MAPKAPK3: variants seen among roughly 807,000 people sequenced by gnomAD.
MAPKAPK3 encodes MAP kinase-activated protein kinase 3.
MAPKAPK3 carries 35 observed loss-of-function variants against 49.2 expected under a neutral mutation model. The observed-to-expected ratio is 0.71, with a 90% CI of 0.54 to 0.94. The LOEUF (loss-of-function observed/expected upper bound fraction) is 0.94, where lower values mean the gene tolerates loss of function less well. Ranked by LOEUF, MAPKAPK3 falls within the 40% of genes least tolerant of loss-of-function variation. MAPKAPK3 has a pLI of 0.00. For missense variants in MAPKAPK3, 398 were observed against 493.1 expected (o/e 0.81, Z 1.83); for synonymous variants, 178 against 188.7 (o/e 0.94, Z 0.46).
At chr3:50,647,816 T>C in intron 10 of MAPKAPK3, 78 bp from the exon 11 acceptor site, 1 of 1,419,382 alleles carries the variant, frequency 7.0e-7, no homozygotes, top group Non-Finnish European at 9.6e-7. Flanking sequence ...ATTAAGGGGC[T>C]GCCCAGGCAG....
chr3:50,644,630 C>A, intron 6 of MAPKAPK3, 98 bp downstream of exon 6: 1 of 1,305,952 alleles, frequency 7.7e-7, no homozygotes, highest in Non-Finnish European at 1.1e-6. Flanking sequence ...GGTTAAAGCC[C>A]AGCAAGGAGG....
intron 2 of MAPKAPK3, among the ~76,000 whole-genome samples, chr3:50,626,534 A>G (rs576555780): frequency 6.6e-5 from 10 of 152,208 alleles, no homozygotes; most frequent in Non-Finnish European, 1.3e-4. Flanking sequence ...TCCACAAGAG[A>G]CCCATAGCTC....
intron 2 of MAPKAPK3, among the ~76,000 whole-genome samples, chr3:50,637,320 G>T (rs1164560262): frequency 6.6e-6 from 1 of 152,182 alleles, no homozygotes; most frequent in African/African-American, 2.4e-5. Context: ...TCCCAGGGTG[G>T]TAGGAGGAAC....
At chr3:50,632,810 G>A (rs1006902351) in intron 2 of MAPKAPK3, among the ~76,000 whole-genome samples, 3 of 152,220 alleles carry the variant, frequency 2.0e-5, no homozygotes, top group Admixed American at 6.5e-5. Flanking sequence ...TGTCCAAGCT[G>A]GTAGCCTCGG....
chr3:50,646,993 G>C (rs1042884725), intron 9 of MAPKAPK3, 130 bp from the exon 10 acceptor site: 40 of 1,040,640 alleles, frequency 3.8e-5, no homozygotes, highest in Non-Finnish European at 5.3e-5. Context: ...CACTGCCCTA[G>C]TGAGGCTCCT....
rs754885308 is a variant in MAPKAPK3 at position 50,648,041 on chromosome 3, C to T, written c.1144C>T (p.Gln382Ter). Reference sequence around the variant, plus strand: ...CTCTGCCTCACAGGGCTGCAACAACCAGTAGCTCATGGGGCCTTGGAGGAG... The same window carrying T: ...CTCTGCCTCACAGGGCTGCAACAACTAGTAGCTCATGGGGCCTTGGAGGAG... ...SSSASQGCNN[Q>*] Residue 382 changes from glutamine to a stop codon, truncating the protein, a stop_gained, in exon 11 of 11, where the codon CAG (glutamine) becomes TAG (stop). Coordinates refer to ENST00000621469, the MANE Select transcript of MAPKAPK3 (RefSeq NM_001243925.2). LOFTEE classifies it high-confidence loss of function. 6.8e-6 allele frequency: 11 copies of T among 1,612,472 alleles called. No individual in the cohort carries two copies. The highest frequency in any genetic ancestry group is 9.3e-6 in the Non-Finnish European group (11 of 1,179,406).
intron 2 of MAPKAPK3, among the ~76,000 whole-genome samples, chr3:50,637,495 C>T (rs1023004502): frequency 3.3e-5 from 5 of 151,856 alleles, no homozygotes; most frequent in African/African-American, 2.4e-5. Context: ...AATAGCTGGG[C>T]GTGGTGGCGG....
At chr3:50,646,011 G>A in intron 7 of MAPKAPK3, 129 bp from the exon 8 acceptor site, 1 of 1,262,226 alleles carries the variant, frequency 7.9e-7, no homozygotes, top group East Asian at 2.3e-5. Context: ...GTGCCTGGGA[G>A]TCCGGAGGGC....
intron 3 of MAPKAPK3, among the ~76,000 whole-genome samples, chr3:50,641,301 C>T (rs808149): frequency 0.78 from 118,142 of 152,070 alleles, 47,090 homozygotes; most frequent in Middle Eastern, 0.9. Context: ...GCTCATGAAA[C>T]GTGGATCCCA....
Position 50,617,712 on chromosome 3 carries a change from G to T in MAPKAPK3, c.147G>T (p.Val49=), listed in dbSNP as rs1258997723. 1 of 1,613,704 alleles carries T rather than the reference G, an allele frequency of 6.2e-7. No homozygotes were observed. The highest frequency in any genetic ancestry group is 8.5e-7 in the Non-Finnish European group (1 of 1,180,008). Residue 49 remains valine, a synonymous_variant, in exon 2 of 11, where the codon GTG becomes GTT. Transcript: ENST00000621469. ...ACGACTACCAGTTGTCCAAGCAGGT[G>T]CTGGGCCTGGGTGTGAACGGCAAAG... ...VTDDYQLSKQ[V]LGLGVNGKVL...
intron 4 of MAPKAPK3, 70 bp from the exon 5 acceptor site, chr3:50,642,183 G>T: frequency 1.0e-6 from 1 of 995,968 alleles, no homozygotes; most frequent in Non-Finnish European, 1.6e-6. Context: ...ACTGTGTCCA[G>T]GAGGGATGAT....
intron 2 of MAPKAPK3, among the ~76,000 whole-genome samples, chr3:50,618,020 C>T (rs1297942234): frequency 6.6e-6 from 1 of 152,186 alleles, no homozygotes; most frequent in Non-Finnish European, 1.5e-5. Context: ...GTCACTATGG[C>T]TAGAGATGCT....
upstream of MAPKAPK3, among the ~76,000 whole-genome samples, chr3:50,616,575 C>G (rs1454555971): frequency 6.6e-6 from 1 of 152,056 alleles, no homozygotes; most frequent in Non-Finnish European, 1.5e-5. Context: ...CTGTATATAC[C>G]AAAGGGAAGC....
At chr3:50,644,620 G>C (rs996452603) in intron 6 of MAPKAPK3, 88 bp downstream of exon 6, 50 of 1,419,784 alleles carry the variant, frequency 3.5e-5, no homozygotes, top group African/African-American at 1.7e-4. Flanking sequence ...GAAACCAAAG[G>C]GTTAAAGCCC....
chr3:50,635,540 C>T lies in MAPKAPK3; in HGVS notation c.220-4826C>T, dbSNP rs546945676. Among the ~76,000 whole-genome samples the T allele has an allele frequency of 2.1e-4, 31 of 147,224 alleles. No individual in the cohort carries two copies. The South Asian group carries it at 6.0e-3, about 29-fold the overall frequency. On this transcript the variant is annotated intron_variant, in intron 2 of 10. Transcript: ENST00000621469. ...TCAAGTGATTCTTCTGCCTCAGCCT[C>T]CTGAGTAGCTGGGGTTACAGACGCA...
In MAPKAPK3 at chr3:50,647,022, G is replaced by T. The variant is rs998914114; in HGVS notation, c.916-101G>T. On this transcript the variant is annotated intron_variant, in intron 9 of 10. Coordinates refer to ENST00000621469, the MANE Select transcript of MAPKAPK3 (RefSeq NM_001243925.2). The stretch of plus-strand genomic sequence containing the variant: ...GGCTCCTTCCCCACCCTGAGCCTTG[G>T]TTTTTCCATCTGAGTCTGGGAGAAG... 7.4e-6 allele frequency: 9 copies of T among 1,212,908 alleles called. No homozygotes were observed. In the East Asian group the frequency reaches 1.3e-4, roughly 17 times the overall value. 75.1% of individuals were successfully genotyped at this position (1,212,908 alleles called of 1,614,324 possible). A position where few individuals can be genotyped will look rare whatever the true frequency, so the allele number is the denominator to read the frequency against.
At chr3:50,612,806 G>C (rs2032369596), upstream of MAPKAPK3, 1 of 152,112 alleles carries the variant, frequency 6.6e-6, no homozygotes, top group Non-Finnish European at 1.5e-5. Flanking sequence ...GGTTGGGGCG[G>C]GATGGCGGGG....
intron 8 of MAPKAPK3, 37 bp from the exon 9 acceptor site, chr3:50,646,703 A>C (rs370802194): frequency 7.1e-6 from 10 of 1,416,428 alleles, no homozygotes; most frequent in Non-Finnish European, 1.0e-5. Context: ...CTGGCTCTGC[A>C]ATCTCATCTC....
At chr3:50,630,415 C>T (rs2032874918) in intron 2 of MAPKAPK3, among the ~76,000 whole-genome samples, 1 of 152,266 alleles carries the variant, frequency 6.6e-6, no homozygotes, top group Non-Finnish European at 1.5e-5. Flanking sequence ...CCAAAGAACT[C>T]TGACTCAGTG....
Sources: allele counts gnomAD v4.1 joint callset (sites outside exome capture counted in the v4.1 genomes callset), GRCh38; gene constraint gnomAD v4.1.1; transcripts MANE v1.5; gene names NCBI Gene and HGNC (gene_info 2026-07-23, HGNC 2026-07-21).